The following PRUNE2 variants were observed in gnomAD, a reference collection of about 807,000 sequenced individuals.
The protein encoded by PRUNE2 is prune homolog 2 with BCH domain.
A neutral mutation model predicts 252.0 loss-of-function variants in PRUNE2; 164 were observed. That is an observed-to-expected ratio of 0.65 (90% confidence interval 0.57 to 0.74). The LOEUF (loss-of-function observed/expected upper bound fraction) is 0.74. Among genes scored for constraint, PRUNE2 ranks in the 30% least tolerant of loss-of-function variants. The pLI is 0.00. For missense variants in PRUNE2, 3,495 were observed against 3,711.0 expected (o/e 0.94, Z 1.51); for synonymous variants, 1,292 against 1,350.2 (o/e 0.96, Z 0.94).
At position 76,625,103 on chromosome 9, in the gene PRUNE2, G is replaced by C. The variant is rs1020539169; in HGVS notation, c.9150-613C>G. 5.6e-6 allele frequency: 7 copies of C among 1,239,882 alleles called. No individual in the cohort carries two copies. In the African/African-American group the frequency reaches 9.3e-5, roughly 16 times the overall value. The allele number at this position is 1,239,882 out of a possible 1,614,324, so 76.8% of individuals were successfully genotyped here. A position where few individuals can be genotyped will look rare whatever the true frequency, so the allele number is the denominator to read the frequency against. ...GTGCCATAAGGAAAATGAGCAAACAGATGGGAAAAATGACAAGTAAATGAT... is the reference window on the plus strand; with the variant it reads ...GTGCCATAAGGAAAATGAGCAAACACATGGGAAAAATGACAAGTAAATGAT... On this transcript the variant is annotated intron_variant, in intron 16 of 18. Transcript: ENST00000376718.
rs375523035 is a variant in PRUNE2, at chr9:76,893,915, C to T, written c.36+12013G>A. Among the ~76,000 whole-genome samples, 60 of 152,182 alleles carry T rather than the reference C, an allele frequency of 3.9e-4. No individual in the cohort carries two copies. In the South Asian group the frequency reaches 4.1e-3, roughly 11 times the overall value. ...AAGCACATGATCAGTCACAGGGCCACGAAAATTGCTTTGCTTCATGGATGG... is the reference window on the plus strand; with the variant it reads ...AAGCACATGATCAGTCACAGGGCCATGAAAATTGCTTTGCTTCATGGATGG... On this transcript the variant is annotated intron_variant, in intron 1 of 18. Transcript: ENST00000376718.
intron 6 of PRUNE2, among the ~76,000 whole-genome samples, chr9:76,792,378 T>C (rs2055637445): frequency 6.6e-6 from 1 of 152,166 alleles, no homozygotes; most frequent in African/African-American, 2.4e-5. Context: ...CTCTTTCTTT[T>C]ATAAACTACC....
intron 1 of PRUNE2, among the ~76,000 whole-genome samples, chr9:76,901,112 A>G (rs2063144750): frequency 2.0e-5 from 3 of 152,130 alleles, no homozygotes. Flanking sequence ...GATCCACTTG[A>G]AGATCTGTTT....
In PRUNE2 at chr9:76,709,116, T is replaced by C; in HGVS notation, c.3158A>G (p.Asn1053Ser). 6.2e-7 allele frequency: 1 copy of C among 1,614,000 alleles called. No individual in the cohort carries two copies. The highest frequency in any genetic ancestry group is 8.5e-7 in the Non-Finnish European group (1 of 1,179,890). ...EINTTHNLDENELKTEHTDGK... is the reference protein window; with the variant it reads ...EINTTHNLDESELKTEHTDGK... Reference sequence around the variant, plus strand: ...ATCTGTGTGCTCTGTCTTGAGTTCATTTTCATCCAGGTTGTGAGTGGTATT... The same window carrying C: ...ATCTGTGTGCTCTGTCTTGAGTTCACTTTCATCCAGGTTGTGAGTGGTATT... Residue 1053 changes from asparagine to serine, a missense_variant, in exon 8 of 19, where the codon AAT becomes AGT. Asn to Ser is a conservative substitution (Grantham distance 46, BLOSUM62 1). Transcript: ENST00000376718.
intron 9 of PRUNE2, among the ~76,000 whole-genome samples, chr9:76,698,916 A>T (rs556813950): frequency 3.3e-4 from 50 of 152,310 alleles, no homozygotes; most frequent in African/African-American, 1.0e-3. Flanking sequence ...AATACTGAAT[A>T]CCTCACCTCA....
At position 76,719,233 on chromosome 9, in the gene PRUNE2, C is replaced by CT. The variant is rs529326776; in HGVS notation, c.757-5513dup. On this transcript the variant is annotated intron_variant, in intron 6 of 18. Transcript: ENST00000376718. ...TTTCCCAATGCAATTATTATTATTACTTTTTTTTTTAGCTAGGAGGAAAAG... is the reference window on the plus strand; with the variant it reads ...TTTCCCAATGCAATTATTATTATTACTTTTTTTTTTTAGCTAGGAGGAAAAG... Among the ~76,000 whole-genome samples, 553 of 148,386 alleles carry CT rather than the reference C, an allele frequency of 3.7e-3. 1 individual carries two copies. Among genetic ancestry groups the CT allele is most frequent in the Non-Finnish European group, 5.1e-3 (343 of 66,854 alleles).
At chr9:76,661,622 T>C (rs1260998911) in intron 9 of PRUNE2, among the ~76,000 whole-genome samples, 2 of 152,188 alleles carry the variant, frequency 1.3e-5, no homozygotes, top group South Asian at 2.1e-4. Context: ...TATTTAGTGA[T>C]ACAAGGAATA....
intron 9 of PRUNE2, among the ~76,000 whole-genome samples, chr9:76,659,786 A>C (rs1563945224): frequency 6.6e-6 from 1 of 152,150 alleles, no homozygotes; most frequent in East Asian, 1.9e-4. Context: ...GACTAGGGAT[A>C]CTCAACCATT....
rs1488328973 is a variant in PRUNE2 at position 76,707,103 on chromosome 9, T to C, written c.5171A>G (p.Asn1724Ser). Residue 1724 changes from asparagine to serine, a missense_variant, in exon 8 of 19, where the codon AAT (asparagine) becomes AGT (serine). Physicochemically the swap from Asn to Ser is conservative, Grantham distance 46. Transcript: ENST00000376718. ...AGGATCAGCTGTGACCAAGAACTTATTAGATTCATTCAATGAATCCCAAGC... is the reference window on the plus strand; with the variant it reads ...AGGATCAGCTGTGACCAAGAACTTACTAGATTCATTCAATGAATCCCAAGC... ...SRAWDSLNES[N>S]KFLVTADPKS... The C allele has an allele frequency of 4.3e-6, 7 of 1,613,980 alleles. No individual in the cohort carries two copies. The highest frequency in any genetic ancestry group is 2.2e-5 in the South Asian group (2 of 91,082).
At chr9:76,882,533 TC>T (rs1210372304) in intron 1 of PRUNE2, among the ~76,000 whole-genome samples, 1 of 152,088 alleles carries the variant, frequency 6.6e-6, no homozygotes, top group African/African-American at 2.4e-5. Flanking sequence ...CAGGGAGGCC[TC>T]AGGAAATTTC....
intron 9 of PRUNE2, among the ~76,000 whole-genome samples, chr9:76,669,518 C>T (rs996962703): frequency 6.6e-6 from 1 of 152,120 alleles, no homozygotes; most frequent in Non-Finnish European, 1.5e-5. Context: ...CAAGTTTTCA[C>T]CATGTTGCCC....
At chr9:76,830,741 GAT>G (rs1275219082) in intron 4 of PRUNE2, among the ~76,000 whole-genome samples, 4 of 151,204 alleles carry the variant, frequency 2.6e-5, no homozygotes, top group African/African-American at 9.7e-5. Flanking sequence ...CTAGGTGCCT[GAT>G]AGTAAAACTG....
intron 9 of PRUNE2, among the ~76,000 whole-genome samples, chr9:76,674,470 G>A (rs2042126365): frequency 6.6e-6 from 1 of 152,066 alleles, no homozygotes; most frequent in East Asian, 1.9e-4. Flanking sequence ...TCAATATCGT[G>A]AAAATGGCCA....
At chr9:76,880,988 T>C (rs1023381431) in intron 1 of PRUNE2, among the ~76,000 whole-genome samples, 7 of 142,566 alleles carry the variant, frequency 4.9e-5, no homozygotes, top group Non-Finnish European at 9.0e-5. Flanking sequence ...TGAGACGGAG[T>C]CTCGCTCTAT....
chr9:76,651,805 C>T (rs1854441), intron 11 of PRUNE2, among the ~76,000 whole-genome samples: 18,025 of 152,156 alleles, frequency 0.12, 2,784 homozygotes, highest in African/African-American at 0.36. Flanking sequence ...TTATTGGAGA[C>T]GCAGGATCAA....
chr9:76,659,324 G>T (rs562393507), intron 9 of PRUNE2, among the ~76,000 whole-genome samples: 1 of 152,232 alleles, frequency 6.6e-6, no homozygotes, highest in Admixed American at 6.5e-5. Context: ...CACATTCTTA[G>T]CCCAGATTCA....
At chr9:76,744,269 T>G (rs752518231) in intron 6 of PRUNE2, among the ~76,000 whole-genome samples, 1 of 152,162 alleles carries the variant, frequency 6.6e-6, no homozygotes, top group Non-Finnish European at 1.5e-5. Context: ...ACTTTCCAAG[T>G]TCAAAGTGAT....
At chr9:76,797,311 G>A (rs565151940) in intron 6 of PRUNE2, among the ~76,000 whole-genome samples, 1 of 152,180 alleles carries the variant, frequency 6.6e-6, no homozygotes, top group Admixed American at 6.5e-5. Flanking sequence ...ACTGAAAAGG[G>A]ATATACCAAA....
Position 76,706,161 on chromosome 9 carries a change from G to A in PRUNE2, c.6113C>T (p.Ser2038Phe), listed in dbSNP as rs754573220. ...IMKPGSEWDGSTPSEDSRGTF... is the reference protein window; with the variant it reads ...IMKPGSEWDGFTPSEDSRGTF... ...ACCTCGGGAGTCCTCACTTGGGGTA[G>A]AGCCATCCCATTCAGAGCCTGGCTT... The change falls in exon 8 of 19, where the codon TCT becomes TTT. Residue 2038 changes from serine (S) to phenylalanine (F), a missense_variant. By Grantham distance (155) the Ser-to-Phe change is radical. Coordinates refer to ENST00000376718, the MANE Select transcript of PRUNE2 (RefSeq NM_015225.3). The A allele has an allele frequency of 2.5e-6, 4 of 1,613,876 alleles. No homozygotes were observed. Among genetic ancestry groups the A allele is most frequent in the Non-Finnish European group, 3.4e-6 (4 of 1,179,896 alleles).
Sources: allele counts gnomAD v4.1 joint callset (sites outside exome capture counted in the v4.1 genomes callset), GRCh38; gene constraint gnomAD v4.1.1; transcripts MANE v1.5; gene names NCBI Gene and HGNC (gene_info 2026-07-23, HGNC 2026-07-21).